The following DPYD variants were observed in gnomAD, a reference collection of about 807,000 sequenced individuals.
The protein encoded by DPYD is dihydropyrimidine dehydrogenase.
DPYD carries 109 observed loss-of-function variants against 116.2 expected under a neutral mutation model. That is an observed-to-expected ratio of 0.94 (90% CI 0.80 to 1.10). DPYD has a LOEUF of 1.10. Ranked by LOEUF, DPYD falls within the 50% of genes least tolerant of loss-of-function variation. The pLI, the probability that DPYD is intolerant of heterozygous loss-of-function variation, is 0.00. For missense variants in DPYD, 1,302 were observed against 1,254.5 expected, an observed-to-expected ratio of 1.04 and a Z score of -0.57; for synonymous variants, 440 against 432.0, an observed-to-expected ratio of 1.02 and a Z score of -0.23.
At chr1:97,663,360 G>T (rs1039970129) in intron 8 of DPYD, among the ~76,000 whole-genome samples, 1 of 152,092 alleles carries the variant, frequency 6.6e-6, no homozygotes, top group Admixed American at 6.5e-5. Flanking sequence ...AAAACATCCC[G>T]ACTTGTACCT....
intron 14 of DPYD, among the ~76,000 whole-genome samples, chr1:97,384,226 A>T (rs1431655969): frequency 4.1e-5 from 6 of 147,848 alleles, no homozygotes; most frequent in Admixed American, 3.4e-4. Context: ...CACTACATAG[A>T]GCTTTTTTAT....
At chr1:97,575,911 C>CT (rs1004710923) in intron 10 of DPYD, among the ~76,000 whole-genome samples, 8 of 151,606 alleles carry the variant, frequency 5.3e-5, no homozygotes, top group Non-Finnish European at 8.8e-5. Context: ...TCTGAATTCA[C>CT]TTTTTTTTTC....
chr1:97,908,383 C>T (rs1049738304), intron 1 of DPYD, among the ~76,000 whole-genome samples: 3 of 151,968 alleles, frequency 2.0e-5, no homozygotes, highest in Admixed American at 6.6e-5. Flanking sequence ...ATCATATTTC[C>T]TCTGTGTTCT....
chr1:97,562,299 C>A (rs1238351330), intron 11 of DPYD, among the ~76,000 whole-genome samples: 1 of 152,062 alleles, frequency 6.6e-6, no homozygotes, highest in Non-Finnish European at 1.5e-5. Flanking sequence ...CATCAGTATG[C>A]AAATACAGGG....
chr1:97,536,124 G>C (rs1314348726), intron 12 of DPYD, among the ~76,000 whole-genome samples: 1 of 152,264 alleles, frequency 6.6e-6, no homozygotes, highest in Non-Finnish European at 1.5e-5. Flanking sequence ...TCTGGTACTA[G>C]TTAAGTCTAA....
chr1:97,454,087 A>G (rs1383613069), intron 13 of DPYD, among the ~76,000 whole-genome samples: 1 of 152,036 alleles, frequency 6.6e-6, no homozygotes, highest in African/African-American at 2.4e-5. Context: ...TTCCAAATTC[A>G]ACTAAAGTGC....
At chr1:97,491,195 A>G (rs1229647951) in intron 13 of DPYD, among the ~76,000 whole-genome samples, 1 of 147,816 alleles carries the variant, frequency 6.8e-6, no homozygotes, top group Non-Finnish European at 1.5e-5. Flanking sequence ...TATATATAAT[A>G]TAATTAGTAT....
intron 3 of DPYD, among the ~76,000 whole-genome samples, chr1:97,822,868 G>A (rs1259222928): frequency 6.6e-6 from 1 of 152,034 alleles, no homozygotes; most frequent in African/African-American, 2.4e-5. Flanking sequence ...TATTTCCAAG[G>A]GTTACTTAAT....
At chr1:97,386,849 G>T (rs1442778415) in intron 14 of DPYD, among the ~76,000 whole-genome samples, 1 of 151,842 alleles carries the variant, frequency 6.6e-6, no homozygotes, top group African/African-American at 2.4e-5. Flanking sequence ...CAGGCTAAAA[G>T]ACATTAACAG....
At chr1:97,759,037 A>ACACAGTTAT (rs1665421453) in intron 3 of DPYD, among the ~76,000 whole-genome samples, 1 of 152,152 alleles carries the variant, frequency 6.6e-6, no homozygotes, top group South Asian at 2.1e-4. Flanking sequence ...GCTATTCAAG[A>ACACAGTTAT]CACAGTTATT....
At chr1:97,208,974 G>A (rs1659857851) in intron 19 of DPYD, among the ~76,000 whole-genome samples, 1 of 152,090 alleles carries the variant, frequency 6.6e-6, no homozygotes, top group African/African-American at 2.4e-5. Context: ...GTGTGTGTGT[G>A]TTCCATATTG....
At chr1:97,589,991 A>T (rs1654392139) in intron 10 of DPYD, among the ~76,000 whole-genome samples, 1 of 152,208 alleles carries the variant, frequency 6.6e-6, no homozygotes, top group Non-Finnish European at 1.5e-5. Context: ...CATATTGGCT[A>T]AAAATTATGT....
chr1:97,614,446 T>A (rs1158514104), intron 8 of DPYD, among the ~76,000 whole-genome samples: 1 of 152,008 alleles, frequency 6.6e-6, no homozygotes, highest in Non-Finnish European at 1.5e-5. Flanking sequence ...CAGGATAAAA[T>A]CACACATAAA....
At chr1:97,156,800 A>G (rs1439982960) in intron 20 of DPYD, among the ~76,000 whole-genome samples, 1 of 152,060 alleles carries the variant, frequency 6.6e-6, no homozygotes, top group Non-Finnish European at 1.5e-5. Flanking sequence ...TCATGCTGCT[A>G]TAAAGACACA....
At chr1:97,193,534 A>C (rs952001055) in intron 19 of DPYD, among the ~76,000 whole-genome samples, 1 of 152,152 alleles carries the variant, frequency 6.6e-6, no homozygotes, top group South Asian at 2.1e-4. Context: ...TTAAATAGCT[A>C]CAGTTTATTA....
chr1:97,207,922 A>G (rs956775160), intron 19 of DPYD, among the ~76,000 whole-genome samples: 1 of 152,252 alleles, frequency 6.6e-6, no homozygotes, highest in East Asian at 1.9e-4. Context: ...CACTTCATCA[A>G]ATTACTTTGA....
intron 8 of DPYD, among the ~76,000 whole-genome samples, chr1:97,670,362 ATTAGTT>A (rs556582859): frequency 6.6e-5 from 10 of 152,178 alleles, no homozygotes; most frequent in Non-Finnish European, 1.2e-4. Context: ...TTGGGATGTA[ATTAGTT>A]TTAGTTAAAC....
chr1:97,534,734 T>G (rs552931708), intron 12 of DPYD, among the ~76,000 whole-genome samples: 3 of 152,248 alleles, frequency 2.0e-5, no homozygotes, highest in Admixed American at 2.0e-4. Flanking sequence ...CATGGCCAAC[T>G]ACATCTTAAC....
At chr1:97,407,090 T>C (rs1263763362) in intron 14 of DPYD, among the ~76,000 whole-genome samples, 2 of 152,162 alleles carry the variant, frequency 1.3e-5, no homozygotes, top group Non-Finnish European at 1.5e-5. Flanking sequence ...CTTTAACAAA[T>C]ATTCATTTAA....
Sources: allele counts gnomAD v4.1 joint callset (sites outside exome capture counted in the v4.1 genomes callset), GRCh38; gene constraint gnomAD v4.1.1; transcripts MANE v1.5; gene names NCBI Gene and HGNC (gene_info 2026-07-23, HGNC 2026-07-21).